The following EHMT1 variants were observed in gnomAD, a reference collection of about 807,000 sequenced individuals.
EHMT1 encodes histone-lysine N-methyltransferase EHMT1.
Under a neutral mutation model 147.2 loss-of-function variants are expected in EHMT1, and 15 were observed. The observed-to-expected ratio is 0.10, with a 90% CI of 0.07 to 0.16. The LOEUF (loss-of-function observed/expected upper bound fraction) is 0.16. EHMT1 is among the 10% of genes least tolerant of loss of function. EHMT1 has a pLI of 1.00. For synonymous variants in EHMT1, 795 were observed against 709.6 expected (o/e 1.12, Z -1.91); for missense variants, 1,587 against 1,772.4 (o/e 0.90, Z 1.88).
At chr9:137,669,966 T>TCAGCCTCCC (rs1390083158) in intron 1 of EHMT1, among the ~76,000 whole-genome samples, 8 of 152,226 alleles carry the variant, frequency 5.3e-5, no homozygotes, top group Middle Eastern at 3.4e-3. Flanking sequence ...TTGTTCTGCC[T>TCAGCCTCCC]CAGCCTCCCC....
At chr9:137,725,767 G>C (rs1946562486) in intron 3 of EHMT1, among the ~76,000 whole-genome samples, 2 of 152,154 alleles carry the variant, frequency 1.3e-5, no homozygotes, top group African/African-American at 4.8e-5. Flanking sequence ...GTGAGACAGA[G>C]AGAGGTGGAG....
At chr9:137,723,151 T>G (rs1340077194) in intron 3 of EHMT1, among the ~76,000 whole-genome samples, 1 of 128,544 alleles carries the variant, frequency 7.8e-6, no homozygotes, top group Non-Finnish European at 1.7e-5. Flanking sequence ...GGGGTGTGTC[T>G]GTGTCCGTGG....
Position 137,678,097 on chromosome 9 carries a change from T to C in EHMT1, c.22-32870T>C, listed in dbSNP as rs529025917. On this transcript the variant is annotated intron_variant, in intron 1 of 26. Transcript: ENST00000460843. ...AATAATAATAATAATAATAATGTTG[T>C]CAAAATCTTAATCAGGTTTAGTGGA... Among the ~76,000 whole-genome samples, 52 of 152,204 alleles carry C rather than the reference T, an allele frequency of 3.4e-4. 1 individual carries two copies. Among genetic ancestry groups the C allele is most frequent in the Admixed American group, 3.0e-3 (46 of 15,282 alleles).
chr9:137,679,126 C>CTTTA (rs1268059056), intron 1 of EHMT1, among the ~76,000 whole-genome samples: 3 of 151,880 alleles, frequency 2.0e-5, no homozygotes, highest in Non-Finnish European at 4.4e-5. Context: ...AATTTTTGTA[C>CTTTA]TTTTAATAGA....
At chr9:137,670,021 C>T (rs1019827226) in intron 1 of EHMT1, among the ~76,000 whole-genome samples, 7 of 152,072 alleles carry the variant, frequency 4.6e-5, no homozygotes, top group East Asian at 1.9e-4. Flanking sequence ...TCACGCCCAG[C>T]TAATGTTTTT....
intron 3 of EHMT1, 42 bp downstream of exon 3, chr9:137,717,224 CTTTTG>C: frequency 6.2e-7 from 1 of 1,604,354 alleles, no homozygotes; most frequent in Non-Finnish European, 8.5e-7. Context: ...TTTCCCATCT[CTTTTG>C]TTTTAATAAC....
chr9:137,800,655 C>T (rs1459470521), intron 17 of EHMT1: 11 of 583,892 alleles, frequency 1.9e-5, no homozygotes, highest in Non-Finnish European at 3.1e-5. Flanking sequence ...GTTGTTGGGC[C>T]TGGGCCAGTC....
At chr9:137,677,194 C>T (rs970772349) in intron 1 of EHMT1, among the ~76,000 whole-genome samples, 2 of 151,954 alleles carry the variant, frequency 1.3e-5, no homozygotes, top group African/African-American at 2.4e-5. Context: ...ATTGCCGTGA[C>T]GCAATCTCTG....
chr9:137,674,570 G>C (rs972021971), intron 1 of EHMT1, among the ~76,000 whole-genome samples: 1 of 152,200 alleles, frequency 6.6e-6, no homozygotes, highest in Non-Finnish European at 1.5e-5. Context: ...CTTGCCTCCT[G>C]CAGTCTGCCT....
chr9:137,624,430 C>T (rs1356253109), intron 1 of EHMT1, among the ~76,000 whole-genome samples: 1 of 151,932 alleles, frequency 6.6e-6, no homozygotes, highest in Non-Finnish European at 1.5e-5. Flanking sequence ...ATTCTCCTGC[C>T]TCAGCCTCCC....
intron 1 of EHMT1, among the ~76,000 whole-genome samples, chr9:137,690,947 A>G (rs1243986423): frequency 3.9e-5 from 6 of 152,268 alleles, no homozygotes; most frequent in Non-Finnish European, 7.3e-5. Context: ...CAACATATAC[A>G]TAACATAAAA....
chr9:137,668,987 C>T (rs868422219), intron 1 of EHMT1, among the ~76,000 whole-genome samples: 1 of 152,130 alleles, frequency 6.6e-6, no homozygotes, highest in Admixed American at 6.5e-5. Context: ...CCCAGGTTCT[C>T]GCCATTCTTG....
chr9:137,725,044 T>G (rs1405802478), intron 3 of EHMT1, among the ~76,000 whole-genome samples: 3 of 131,122 alleles, frequency 2.3e-5, no homozygotes, highest in East Asian at 4.7e-4. Context: ...TCGTGGGGCA[T>G]TCGTGGGGCA....
chr9:137,747,659 GCTTT>G (rs1948657359), intron 6 of EHMT1: 1 of 152,182 alleles, frequency 6.6e-6, no homozygotes, highest in African/African-American at 2.4e-5. Flanking sequence ...AGTTCAGTCC[GCTTT>G]CTGTTTTCTG....
intron 1 of EHMT1, among the ~76,000 whole-genome samples, chr9:137,670,828 C>G (rs1940517896): frequency 6.6e-6 from 1 of 152,170 alleles, no homozygotes; most frequent in South Asian, 2.1e-4. Flanking sequence ...CCAGAGCTGC[C>G]TTTCCATTCT....
At chr9:137,760,631 C>G (rs1391027558) in intron 9 of EHMT1, among the ~76,000 whole-genome samples, 6 of 152,188 alleles carry the variant, frequency 3.9e-5, no homozygotes, top group Admixed American at 3.3e-4. Context: ...TTTGGATTCT[C>G]TCCTGGCCGT....
chr9:137,764,331 C>T (rs1382262942), intron 10 of EHMT1: 6 of 152,326 alleles, frequency 3.9e-5, no homozygotes, highest in African/African-American at 1.4e-4. Flanking sequence ...CCCTATGTGA[C>T]GGCTTTTCCC....
chr9:137,724,918 C>T (rs1211759971), intron 3 of EHMT1, among the ~76,000 whole-genome samples: 3 of 101,054 alleles, frequency 3.0e-5, no homozygotes, highest in African/African-American at 8.5e-5. Context: ...GTTGGGCATT[C>T]GTGTGGCAGG....
At chr9:137,814,904 G>C in intron 22 of EHMT1, 1 of 366,614 alleles carries the variant, frequency 2.7e-6, no homozygotes, top group Non-Finnish European at 5.2e-6. Context: ...GGGAGCATCA[G>C]TGTGGGCGCT....
Sources: gnomAD v4.1 joint callset for allele counts (sites outside exome capture counted in the v4.1 genomes callset) on GRCh38, gnomAD v4.1.1 for gene constraint, MANE v1.5 for transcripts, NCBI Gene and HGNC (gene_info 2026-07-23, HGNC 2026-07-21) for gene names.